The following TEK variants were observed in gnomAD, a reference collection of about 807,000 sequenced individuals.
The protein encoded by TEK is angiopoietin-1 receptor.
In TEK, 43 loss-of-function variants were observed where a neutral mutation model predicts 131.8. That is an observed-to-expected ratio of 0.33 (90% confidence interval 0.26 to 0.42). The LOEUF (loss-of-function observed/expected upper bound fraction) is 0.42, where lower values mean the gene tolerates loss of function less well. Among genes scored for constraint, TEK ranks in the 10% least tolerant of loss-of-function variants. The pLI is 1.00. For synonymous variants in TEK, 580 were observed against 491.6 expected, an observed-to-expected ratio of 1.18 and a Z score of -2.38; for missense variants, 1,162 against 1,384.4, an observed-to-expected ratio of 0.84 and a Z score of 2.55.
At chr9:27,176,902 C>G (rs1824191247) in intron 6 of TEK, among the ~76,000 whole-genome samples, 1 of 152,202 alleles carries the variant, frequency 6.6e-6, no homozygotes, top group Admixed American at 6.5e-5. Context: ...ATAAGTTTGA[C>G]TTTTTCAGAT....
chr9:27,201,538 C>T (rs1340135473), intron 12 of TEK, among the ~76,000 whole-genome samples: 1 of 152,026 alleles, frequency 6.6e-6, no homozygotes, highest in Non-Finnish European at 1.5e-5. Flanking sequence ...AAAGTTAAGA[C>T]ATACTGTTGA....
chr9:27,177,299 T>A (rs1453957165), intron 6 of TEK, among the ~76,000 whole-genome samples: 1 of 152,230 alleles, frequency 6.6e-6, no homozygotes, highest in Non-Finnish European at 1.5e-5. Flanking sequence ...CCAATTTACA[T>A]TCCCACCAAC....
intron 18 of TEK, among the ~76,000 whole-genome samples, chr9:27,215,824 G>A (rs930107815): frequency 1.7e-4 from 26 of 152,076 alleles, no homozygotes; most frequent in Non-Finnish European, 2.9e-4. Context: ...GGAAAGCATA[G>A]ATGCTACGGG....
At chr9:27,158,674 T>TG (rs1564066707) in intron 2 of TEK, among the ~76,000 whole-genome samples, 27 of 149,550 alleles carry the variant, frequency 1.8e-4, no homozygotes, top group South Asian at 4.3e-4. Flanking sequence ...TTTTTTTTTT[T>TG]TGGGGGGGTG....
At chr9:27,151,536 A>G (rs373870016) in intron 1 of TEK, among the ~76,000 whole-genome samples, 1 of 152,140 alleles carries the variant, frequency 6.6e-6, no homozygotes. Context: ...GCTAACCCCA[A>G]CTTTCCTTTA....
In TEK at chr9:27,199,167, A is replaced by G. The variant is rs142425455; in HGVS notation, c.1909+1568A>G. Among the ~76,000 whole-genome samples, 978 of 152,338 alleles carry G rather than the reference A, an allele frequency of 6.4e-3. 10 individuals are homozygous for G. The highest frequency in any genetic ancestry group is 0.014 in the Admixed American group (208 of 15,294). ...ATACATATCATTCTTCATTTTTTGA[A>G]TGGACATTATGAATTTTATCGATCC... On this transcript the variant is annotated intron_variant, in intron 12 of 22. Transcript: ENST00000380036.
At chr9:27,211,191 A>ATGTATATATATGAATATATATG (rs74178376) in intron 16 of TEK, among the ~76,000 whole-genome samples, 78,800 of 142,932 alleles carry the variant, frequency 0.55, 22,379 homozygotes, top group Admixed American at 0.66. Context: ...ATATGAATAT[A>ATGTATATATATGAATATATATG]TGTATATATA....
intron 1 of TEK, among the ~76,000 whole-genome samples, chr9:27,134,155 C>CT (rs1332111645): frequency 2.0e-5 from 3 of 152,106 alleles, no homozygotes; most frequent in African/African-American, 7.2e-5. Context: ...AAGTCATAAG[C>CT]TTTATGACAT....
At chr9:27,175,722 A>G (rs1212067391) in intron 6 of TEK, among the ~76,000 whole-genome samples, 1 of 152,018 alleles carries the variant, frequency 6.6e-6, no homozygotes, top group Non-Finnish European at 1.5e-5. Flanking sequence ...TTTGATTTGT[A>G]TTTCTCTGAT....
At chr9:27,143,243 C>G (rs1034799204) in intron 1 of TEK, among the ~76,000 whole-genome samples, 4 of 152,152 alleles carry the variant, frequency 2.6e-5, no homozygotes, top group African/African-American at 4.8e-5. Context: ...AGAGGGTTGT[C>G]CCCAAGAACT....
chr9:27,193,387 G>C (rs694241), intron 11 of TEK, among the ~76,000 whole-genome samples: 60,375 of 151,858 alleles, frequency 0.4, 12,207 homozygotes, highest in Non-Finnish European at 0.42. Flanking sequence ...TTTCTAGTAG[G>C]TTCCCAAGTG....
At chr9:27,141,992 C>G (rs1647541324) in intron 1 of TEK, among the ~76,000 whole-genome samples, 1 of 152,190 alleles carries the variant, frequency 6.6e-6, no homozygotes, top group South Asian at 2.1e-4. Flanking sequence ...AGAGATTGGA[C>G]TTCAGCAGAT....
intron 19 of TEK, among the ~76,000 whole-genome samples, chr9:27,218,236 C>T (rs1438745978): frequency 1.9e-5 from 2 of 105,526 alleles, no homozygotes; most frequent in Admixed American, 1.9e-4. Context: ...ACCCCATTTC[C>T]AGGAGGAAAA....
At chr9:27,213,741 A>G (rs1825716873) in intron 18 of TEK, 144 bp downstream of exon 18, 1 of 690,314 alleles carries the variant, frequency 1.4e-6, no homozygotes, top group Non-Finnish European at 2.7e-6. Context: ...CCTGGGAAAC[A>G]TTCTTTCTAA....
chr9:27,139,679 T>C (rs1386203471), intron 1 of TEK, among the ~76,000 whole-genome samples: 1 of 152,106 alleles, frequency 6.6e-6, no homozygotes, highest in Non-Finnish European at 1.5e-5. Flanking sequence ...CAACAATATA[T>C]TGTTAAACTT....
At chr9:27,152,346 G>C (rs1479638724) in intron 1 of TEK, among the ~76,000 whole-genome samples, 3 of 151,554 alleles carry the variant, frequency 2.0e-5, no homozygotes, top group Admixed American at 6.6e-5. Context: ...CCAACACTTC[G>C]AAGATCAGGG....
At chr9:27,215,276 T>C (rs1825777620) in intron 18 of TEK, among the ~76,000 whole-genome samples, 1 of 151,576 alleles carries the variant, frequency 6.6e-6, no homozygotes, top group South Asian at 2.1e-4. Flanking sequence ...AGGGTAAAGG[T>C]GTTCTTTAGC....
chr9:27,111,167 T>C lies in TEK; in HGVS notation c.52+1525T>C, dbSNP rs138620937. ...AAAAGGTATGTAGCCAAAATACTTG[T>C]TCCATGTCTAGACCTCAGATCCCTG... is the stretch of plus-strand genomic sequence containing the variant. On this transcript the variant is annotated intron_variant, in intron 1 of 22. Transcript: ENST00000380036. Among the ~76,000 whole-genome samples, 3 of 152,312 alleles carry C rather than the reference T, an allele frequency of 2.0e-5. No homozygotes were observed. The East Asian group carries it at 5.8e-4, about 29-fold the overall frequency.
chr9:27,120,855 AG>A (rs752648430), intron 1 of TEK, among the ~76,000 whole-genome samples: 31 of 152,214 alleles, frequency 2.0e-4, no homozygotes, highest in Non-Finnish European at 3.4e-4. Flanking sequence ...GGTGCCTAAG[AG>A]GTTTCAGATA....
Sources: allele counts gnomAD v4.1 joint callset (sites outside exome capture counted in the v4.1 genomes callset), GRCh38; gene constraint gnomAD v4.1.1; transcripts MANE v1.5; gene names NCBI Gene and HGNC (gene_info 2026-07-23, HGNC 2026-07-21).